NUP85: variants seen among roughly 807,000 people sequenced by gnomAD.
The protein encoded by NUP85 is nucleoporin 85, also known as nuclear pore complex protein Nup85.
A neutral mutation model predicts 92.8 loss-of-function variants in NUP85; 23 were observed. The observed-to-expected ratio is 0.25, with a 90% CI of 0.18 to 0.35. The LOEUF is 0.35. Among genes scored for constraint, NUP85 ranks in the 10% least tolerant of loss-of-function variants. The probability of loss-of-function intolerance (pLI) is 1.00; values close to 1 mark genes in which losing one functional copy is unlikely to be tolerated. For missense variants in NUP85, 759 were observed against 822.8 expected, an observed-to-expected ratio of 0.92 and a Z score of 0.95; for synonymous variants, 314 against 306.9, an observed-to-expected ratio of 1.02 and a Z score of -0.24.
chr17:75,231,094 G>T lies in NUP85; in HGVS notation c.1095-246G>T. 1 of 473,090 alleles carries T rather than the reference G, an allele frequency of 2.1e-6. No individual in the cohort carries two copies. Among genetic ancestry groups the T allele is most frequent in the Admixed American group, 3.5e-5 (1 of 28,964 alleles). 29.3% of individuals were successfully genotyped at this position (473,090 alleles called of 1,614,324 possible). ...TTACAGGTGTGTGCCACCATGCCTG[G>T]CTAATTTTTGTATTTGTAGAGATGG... On this transcript the variant is annotated intron_variant, in intron 11 of 18. Transcript: ENST00000245544. This position sits in a 1 kb window ranked among gnomAD's most constrained non-coding sequence, Gnocchi z 4.6.
chr17:75,228,280 A>T, intron 11 of NUP85: 2 of 985,420 alleles, frequency 2.0e-6, no homozygotes, highest in Non-Finnish European at 2.4e-6. Flanking sequence ...AAGAGGGGTG[A>T]ACAACATCAC....
chr17:75,228,700 A>C (rs1005713), intron 11 of NUP85: 157,316 of 985,292 alleles, frequency 0.16, 13,118 homozygotes, highest in Middle Eastern at 0.24. Context: ...GGCATTAGAA[A>C]AAAGGTTTCT....
intron 11 of NUP85, chr17:75,227,105 A>C (rs2075826855): frequency 6.2e-6 from 1 of 160,816 alleles, no homozygotes; most frequent in African/African-American, 2.4e-5. Context: ...CATTGCACTG[A>C]AGACGTGCTG....
rs199813766 is a variant in NUP85, at chr17:75,233,367, TTTTC to T, written c.1615+219_1615+222del. ...CATGTTTGTTTGTTTGTTTGTTTGTTTTTCTTTCTTTCTCTCTTTCTTTCTCTTT... is the reference window on the plus strand; with the variant it reads ...CATGTTTGTTTGTTTGTTTGTTTGTTTTTCTTTCTCTCTTTCTTTCTCTTT... On this transcript the variant is annotated intron_variant, in intron 16 of 18. Coordinates refer to ENST00000245544, the MANE Select transcript of NUP85 (RefSeq NM_024844.5). Among the ~76,000 whole-genome samples, 1,272 of 132,518 alleles carry T rather than the reference TTTTC, an allele frequency of 9.6e-3. 34 individuals are homozygous for T. The highest frequency in any genetic ancestry group is 0.056 in the Admixed American group (699 of 12,416). 86.9% of individuals were successfully genotyped at this position (132,518 alleles called of 152,430 possible). A position where few individuals can be genotyped will look rare whatever the true frequency, so the allele number is the denominator to read the frequency against.
At chr17:75,229,241 C>A (rs1423056011) in intron 11 of NUP85, 2 of 826,152 alleles carry the variant, frequency 2.4e-6, no homozygotes, top group Non-Finnish European at 2.9e-6. Flanking sequence ...ATGCAGGGTG[C>A]AGCAGTGTTT....
chr17:75,233,437 C>CTTTT (rs60396796), intron 16 of NUP85, among the ~76,000 whole-genome samples: 43 of 117,164 alleles, frequency 3.7e-4, no homozygotes, highest in African/African-American at 1.1e-3. Context: ...TTTATTTTTT[C>CTTTT]TTTTTTTTTT....
rs751067231 is a variant in NUP85, at chr17:75,225,335, C to T, written c.733-7C>T. On this transcript the variant is annotated splice_polypyrimidine_tract_variant and splice_region_variant and intron_variant, in intron 8 of 18. Transcript: ENST00000245544. ...GGATGACGTCTCATGGCTGGTCTCT[C>T]CCTTAGCCCGGGAACACCCAGACAC... 26 of 1,614,060 alleles carry T rather than the reference C, an allele frequency of 1.6e-5. No homozygotes were observed. Among genetic ancestry groups the T allele is most frequent in the Non-Finnish European group, 2.1e-5 (25 of 1,180,022 alleles).
Position 75,225,378 on chromosome 17 carries a change from A to C in NUP85, c.769A>C (p.Lys257Gln). ...CCAGACACTGACAGAGCTGGAGCTG[A>C]AGTGGCAGCACTGGCACGAGGAATG... ...NTQTLTELEL[K>Q]WQHWHEECER... Residue 257 changes from lysine (K) to glutamine (Q), a missense_variant, in exon 9 of 19, where the codon AAG (lysine) becomes CAG (glutamine). Coordinates refer to ENST00000245544, the MANE Select transcript of NUP85 (RefSeq NM_024844.5). 1 of 1,614,206 alleles carries C rather than the reference A, an allele frequency of 6.2e-7. No individual in the cohort carries two copies. The highest frequency in any genetic ancestry group is 8.5e-7 in the Non-Finnish European group (1 of 1,180,036).
intron 1 of NUP85, 62 bp downstream of exon 1, chr17:75,205,856 A>G: frequency 6.3e-7 from 1 of 1,581,078 alleles, no homozygotes; most frequent in South Asian, 1.1e-5. Context: ...CTGCTTAGTT[A>G]CTTCAGGCTT....
chr17:75,228,225 G>A (rs1343806873), intron 11 of NUP85: 1 of 985,272 alleles, frequency 1.0e-6, no homozygotes. Flanking sequence ...AAAGGGGAAA[G>A]CATCCTGCTG....
chr17:75,226,140 A>C lies in NUP85; in HGVS notation c.1077A>C (p.Gln359His). 1 of 1,614,030 alleles carries C rather than the reference A, an allele frequency of 6.2e-7. No individual in the cohort carries two copies. The highest frequency in any genetic ancestry group is 2.2e-5 in the East Asian group (1 of 44,868). The change falls in exon 11 of 19, where the codon CAA (glutamine) becomes CAC (histidine). Residue 359 changes from glutamine (Q) to histidine (H), a missense_variant. Transcript: ENST00000245544. ...CAGCCTTTGAGTTTGACATCCATCA[A>C]GTAATCAAAGAGTGCAGGTAGGATC... ...LLAAFEFDIH[Q>H]VIKECSIALS... is the part of the protein sequence containing the mutation.
At chr17:75,233,716 A>T (rs1308191755) in intron 16 of NUP85, among the ~76,000 whole-genome samples, 1 of 151,940 alleles carries the variant, frequency 6.6e-6, no homozygotes, top group Admixed American at 6.6e-5. Flanking sequence ...CTCCTGCCTC[A>T]GCCTCCCAAG....
At chr17:75,229,155 C>T in intron 11 of NUP85, 1 of 985,378 alleles carries the variant, frequency 1.0e-6, no homozygotes, top group Non-Finnish European at 1.2e-6. Flanking sequence ...CTTCAATAAC[C>T]AAGAAGAGTT....
At position 75,209,882 on chromosome 17, in the gene NUP85, G is replaced by A. The variant is rs1390483789; in HGVS notation, c.187G>A (p.Val63Ile). The A allele has an allele frequency of 1.9e-6, 3 of 1,587,090 alleles. No homozygotes were observed. Among genetic ancestry groups the A allele is most frequent in the South Asian group, 1.2e-5 (1 of 85,728 alleles). Residue 63 changes from valine (V) to isoleucine (I), a missense_variant, in exon 3 of 19, where the codon GTT (valine) becomes ATT (isoleucine). Transcript: ENST00000245544. Reference protein sequence around the residue: ...FIYIIRKDVDVYSQILRKLFN... With the variant: ...FIYIIRKDVDIYSQILRKLFN... ...CTATATCATCCGTAAGGATGTAGAT[G>A]TTTACTCTCAAATCTTGAGAAAACT... is the stretch of plus-strand genomic sequence containing the variant.
intron 6 of NUP85, 139 bp from the exon 7 acceptor site, chr17:75,218,046 G>T: frequency 9.5e-7 from 1 of 1,057,402 alleles, no homozygotes. Context: ...TGTCATTCAG[G>T]ACCATGTGTG....
intron 16 of NUP85, among the ~76,000 whole-genome samples, chr17:75,233,718 C>G (rs2076196705): frequency 6.6e-6 from 1 of 152,082 alleles, no homozygotes; most frequent in Admixed American, 6.5e-5. Flanking sequence ...CCTGCCTCAG[C>G]CTCCCAAGTA....
intron 2 of NUP85, among the ~76,000 whole-genome samples, chr17:75,209,449 T>A (rs1450501499): frequency 6.8e-6 from 1 of 147,108 alleles, no homozygotes; most frequent in Admixed American, 6.8e-5. Context: ...TGCTTTCTTT[T>A]TTTTTTTTTT....
In NUP85 at chr17:75,212,079, CGTGCGCGCGT is replaced by C. The variant is rs2075276308; in HGVS notation, c.361+21_361+30del. The C allele has an allele frequency of 6.8e-7, 1 of 1,470,124 alleles. No individual in the cohort carries two copies. Among genetic ancestry groups the C allele is most frequent in the Non-Finnish European group, 9.1e-7 (1 of 1,098,952 alleles). The allele number at this position is 1,470,124 out of a possible 1,614,324, so 91.1% of individuals were successfully genotyped here. ...AGGTTGCAAGTAAGGACTGTGTGCG[CGTGCGCGCGT>C]GTGTGTGTGTGTGTGTGTGTGGGTA... On this transcript the variant is annotated intron_variant, in intron 4 of 18. Coordinates refer to ENST00000245544, the MANE Select transcript of NUP85 (RefSeq NM_024844.5).
intron 11 of NUP85, chr17:75,229,219 C>G: frequency 7.4e-6 from 7 of 950,254 alleles, no homozygotes; most frequent in Non-Finnish European, 8.8e-6. Flanking sequence ...TTGGCCCAGC[C>G]CACAATCTTG....
Sources: allele counts gnomAD v4.1 joint callset (sites outside exome capture counted in the v4.1 genomes callset), GRCh38; gene constraint gnomAD v4.1.1; non-coding constraint Gnocchi (gnomAD v3.1); transcripts MANE v1.5; gene names NCBI Gene and HGNC (gene_info 2026-07-23, HGNC 2026-07-21).